Variants in PLGRKT observed in about 807,000 individuals in gnomAD.
PLGRKT encodes the protein plasminogen receptor (KT).
A neutral mutation model predicts 18.5 loss-of-function variants in PLGRKT; 22 were observed. The ratio of observed to expected loss-of-function variants is 1.19; its 90% confidence interval spans 0.85 to 1.70. PLGRKT has a LOEUF of 1.70. Among genes scored for constraint, PLGRKT ranks in the 40% most tolerant of loss-of-function variants. The probability of loss-of-function intolerance (pLI) is 0.00; values close to 1 mark genes in which losing one functional copy is unlikely to be tolerated. For synonymous variants in PLGRKT, 72 were observed against 52.8 expected (o/e 1.36, Z -1.58); for missense variants, 235 against 174.4 (o/e 1.35, Z -1.96).
At chr9:5,376,042 C>G (rs1817620631) in intron 3 of PLGRKT, among the ~76,000 whole-genome samples, 1 of 152,224 alleles carries the variant, frequency 6.6e-6, no homozygotes, top group African/African-American at 2.4e-5. Context: ...AATTCTGACA[C>G]ATACAACCAC....
chr9:5,395,926 C>G (rs544615682), intron 3 of PLGRKT, among the ~76,000 whole-genome samples: 3 of 140,290 alleles, frequency 2.1e-5, no homozygotes, highest in Admixed American at 1.5e-4. Flanking sequence ...CAGAGTCTCA[C>G]TCTGTTGCCC....
chr9:5,403,444 C>T (rs1818195575), intron 3 of PLGRKT, among the ~76,000 whole-genome samples: 2 of 152,054 alleles, frequency 1.3e-5, no homozygotes, highest in African/African-American at 4.8e-5. Context: ...AGGCTGGTCT[C>T]GAACTCCTGA....
chr9:5,376,673 C>T (rs1010797433), intron 3 of PLGRKT, among the ~76,000 whole-genome samples: 11 of 152,172 alleles, frequency 7.2e-5, no homozygotes, highest in Non-Finnish European at 1.3e-4. Flanking sequence ...TATGCAGCTA[C>T]ATGTCCTGAT....
chr9:5,363,349 C>T (rs371184263), intron 3 of PLGRKT, among the ~76,000 whole-genome samples: 2 of 151,884 alleles, frequency 1.3e-5, no homozygotes, highest in East Asian at 3.9e-4. Context: ...CTCTGGGATC[C>T]AGTGGCCTTC....
chr9:5,364,274 C>G (rs1817334046), intron 3 of PLGRKT, among the ~76,000 whole-genome samples: 1 of 152,132 alleles, frequency 6.6e-6, no homozygotes, highest in African/African-American at 2.4e-5. Flanking sequence ...AGAACCGTCA[C>G]CTGAAATGAA....
Position 5,395,888 on chromosome 9 carries a change from GTT to G in PLGRKT, c.82-34002_82-34001del, listed in dbSNP as rs201547310. On this transcript the variant is annotated intron_variant, in intron 3 of 5. Coordinates refer to ENST00000223864, the MANE Select transcript of PLGRKT (RefSeq NM_018465.4). ...TTAGGGTTCATCCTCTAACCTAACA[GTT>G]TTTTTTTTTTTTTTTTTTCCTGAGA... Among the ~76,000 whole-genome samples, 106 of 129,784 alleles carry G rather than the reference GTT, an allele frequency of 8.2e-4. 3 individuals carry two copies. The highest frequency in any genetic ancestry group is 2.7e-3 in the African/African-American group (92 of 34,216). The allele number at this position is 129,784 out of a possible 152,430, so 85.1% of individuals were successfully genotyped here.
chr9:5,381,996 C>T (rs756347195), intron 3 of PLGRKT: 1 of 985,360 alleles, frequency 1.0e-6, no homozygotes, highest in Non-Finnish European at 1.2e-6. Context: ...GGCTTGTTTA[C>T]CCAGTCACAA....
chr9:5,384,321 A>T (rs888807419), intron 3 of PLGRKT, among the ~76,000 whole-genome samples: 16 of 152,242 alleles, frequency 1.1e-4, no homozygotes, highest in Admixed American at 2.6e-4. Flanking sequence ...GAATCTTTTA[A>T]TTATTCCAGA....
At chr9:5,391,110 A>G (rs7847642) in intron 3 of PLGRKT, among the ~76,000 whole-genome samples, 4,550 of 152,024 alleles carry the variant, frequency 0.03, 340 homozygotes, top group African/African-American at 0.11. Flanking sequence ...TGGTCACAAG[A>G]CTTTAAAAAC....
In PLGRKT at chr9:5,404,673, A is replaced by G. The variant is rs147160615; in HGVS notation, c.81+27224T>C. ...ATGACAAACCCACAGCCAATAGCAT[A>G]CTGAATGGGCAAAAGCTGGAAGCAT... On this transcript the variant is annotated intron_variant, in intron 3 of 5. Coordinates refer to ENST00000223864, the MANE Select transcript of PLGRKT (RefSeq NM_018465.4). 4.1e-3 allele frequency among the ~76,000 whole-genome samples: 617 copies of G among 152,330 alleles called. 1 individual carries two copies. Among genetic ancestry groups the G allele is most frequent in the Non-Finnish European group, 6.6e-3 (449 of 68,024 alleles).
At chr9:5,375,271 A>G (rs1032213461) in intron 3 of PLGRKT, among the ~76,000 whole-genome samples, 1 of 152,180 alleles carries the variant, frequency 6.6e-6, no homozygotes, top group Admixed American at 6.5e-5. Context: ...GAGCTAAGAT[A>G]TGAAGTGTTG....
At chr9:5,395,579 G>A (rs1586723685) in intron 3 of PLGRKT, among the ~76,000 whole-genome samples, 1 of 151,906 alleles carries the variant, frequency 6.6e-6, no homozygotes, top group East Asian at 1.9e-4. Flanking sequence ...AAGAGCAGGT[G>A]AAACAAGCAT....
chr9:5,390,124 T>C (rs1586719719), intron 3 of PLGRKT, among the ~76,000 whole-genome samples: 1 of 151,822 alleles, frequency 6.6e-6, no homozygotes, highest in East Asian at 1.9e-4. Context: ...CTCGTCTGCT[T>C]CAGGATGGGA....
intron 3 of PLGRKT, among the ~76,000 whole-genome samples, chr9:5,368,800 C>G (rs1183422684): frequency 6.6e-6 from 1 of 152,156 alleles, no homozygotes; most frequent in African/African-American, 2.4e-5. Context: ...AGAAATACCA[C>G]CACACATCTA....
intron 1 of PLGRKT, among the ~76,000 whole-genome samples, chr9:5,437,287 G>C (rs1300935175): frequency 1.3e-5 from 2 of 152,146 alleles, no homozygotes; most frequent in African/African-American, 4.8e-5. Flanking sequence ...CTGTCATCGG[G>C]ATTACCACGC....
At chr9:5,358,510 T>A in intron 5 of PLGRKT, 150 bp from the exon 6 acceptor site, 1 of 569,330 alleles carries the variant, frequency 1.8e-6, no homozygotes, top group Non-Finnish European at 3.0e-6. Context: ...GGAGAAGTAA[T>A]ATACTTCCCA....
chr9:5,423,733 A>G (rs1818620883), intron 3 of PLGRKT, among the ~76,000 whole-genome samples: 1 of 150,358 alleles, frequency 6.7e-6, no homozygotes. Context: ...ACAAGGTCTC[A>G]CTCTGTCACC....
At chr9:5,419,695 T>TG (rs34223247) in intron 3 of PLGRKT, among the ~76,000 whole-genome samples, 34,229 of 150,974 alleles carry the variant, frequency 0.23, 4,388 homozygotes, top group South Asian at 0.3. Flanking sequence ...GACTAGAATT[T>TG]GGGGGGAAAA....
intron 3 of PLGRKT, among the ~76,000 whole-genome samples, chr9:5,397,598 G>C (rs756228009): frequency 2.0e-5 from 3 of 151,576 alleles, no homozygotes; most frequent in South Asian, 2.1e-4. Context: ...GAAAGAAACA[G>C]GGAAAAGGAG....
Sources: allele counts gnomAD v4.1 joint callset (sites outside exome capture counted in the v4.1 genomes callset), GRCh38; gene constraint gnomAD v4.1.1; transcripts MANE v1.5; gene names NCBI Gene and HGNC (gene_info 2026-07-23, HGNC 2026-07-21).